BOP1: variants seen among roughly 807,000 people sequenced by gnomAD.
BOP1 encodes the protein ribosome biogenesis protein BOP1.
In BOP1, 54 loss-of-function variants were observed where a neutral mutation model predicts 82.9. The ratio of observed to expected loss-of-function variants is 0.65; its 90% CI spans 0.52 to 0.82. BOP1 has a LOEUF of 0.82. Among genes scored for constraint, BOP1 ranks in the 40% least tolerant of loss-of-function variants. BOP1 has a pLI of 0.00. For missense variants in BOP1, 1,170 were observed against 1,072.0 expected (o/e 1.09, Z -1.28); for synonymous variants, 566 against 451.1 (o/e 1.25, Z -3.23).
chr8:144,286,739 G>C (rs1311035687), intron 2 of BOP1, among the ~76,000 whole-genome samples: 5 of 152,250 alleles, frequency 3.3e-5, no homozygotes, highest in African/African-American at 4.8e-5. Flanking sequence ...CACCAGCCCG[G>C]CCGGCCTTGC....
At chr8:144,266,288 C>A (rs900870157) in intron 3 of BOP1, among the ~76,000 whole-genome samples, 26 of 152,098 alleles carry the variant, frequency 1.7e-4, no homozygotes, top group African/African-American at 6.3e-4. Flanking sequence ...GAACGATGCC[C>A]CCAAAGACCA....
chr8:144,263,654 T>TGCCCCCCA, intron 10 of BOP1, 38 bp downstream of exon 10: 1 of 1,602,038 alleles, frequency 6.2e-7, no homozygotes, highest in Non-Finnish European at 8.5e-7. Flanking sequence ...CCATCCCACC[T>TGCCCCCCA]GCCCCCCAGC....
intron 3 of BOP1, among the ~76,000 whole-genome samples, chr8:144,273,937 T>A (rs1223519260): frequency 6.6e-6 from 1 of 152,104 alleles, no homozygotes; most frequent in Non-Finnish European, 1.5e-5. Flanking sequence ...ACAGCTCTCC[T>A]GTGAGGGGCT....
intron 3 of BOP1, among the ~76,000 whole-genome samples, chr8:144,275,417 G>T (rs1290558211): frequency 1.4e-5 from 2 of 140,390 alleles, no homozygotes; most frequent in African/African-American, 5.6e-5. Flanking sequence ...ACAGCCCAGT[G>T]CCAGCCTCTC....
At chr8:144,262,774 A>ACCCCCCCCCCCCCCCCC in intron 13 of BOP1, 79 bp downstream of exon 13, 9 of 669,414 alleles carry the variant, frequency 1.3e-5, no homozygotes, top group South Asian at 1.7e-5. Context: ...CACTGCCCCT[A>ACCCCCCCCCCCCCCCCC]CCCCCACCCC....
rs1815068944 is a variant in BOP1 at position 144,291,356 on chromosome 8, C to T, written c.15G>A (p.Arg5=). The T allele has an allele frequency of 1.5e-6, 2 of 1,353,454 alleles. No individual in the cohort carries two copies. The highest frequency in any genetic ancestry group is 1.9e-6 in the Non-Finnish European group (2 of 1,047,952). The allele number at this position is 1,353,454 out of a possible 1,614,324, so 83.8% of individuals were successfully genotyped here. A position where few individuals can be genotyped will look rare whatever the true frequency, so the allele number is the denominator to read the frequency against. ...TCGGCGCCGCCGTGCGCCCCGCACC[C>T]CGCGAACCCGCCATGCCCCACCGCG... MAGS[R]GAGRTAAPSV... The change falls in exon 1 of 16, where the codon CGG becomes CGA. Residue 5 remains arginine (R), a synonymous_variant. Transcript: ENST00000569669. The surrounding 1 kb of genome is among the most constrained non-coding windows in gnomAD (Gnocchi z 4.1).
intron 3 of BOP1, among the ~76,000 whole-genome samples, chr8:144,274,429 C>T (rs970490133): frequency 8.5e-5 from 13 of 152,226 alleles, no homozygotes; most frequent in Admixed American, 5.2e-4. Context: ...CTCTTTCCTG[C>T]CCACCTGTGG....
Position 144,264,475 on chromosome 8 carries a change from C to T in BOP1, c.766-38G>A, listed in dbSNP as rs1479865382. 118 of 1,607,376 alleles carry T rather than the reference C, an allele frequency of 7.3e-5. No homozygotes were observed. In the South Asian group the frequency reaches 7.6e-4, roughly 10 times the overall value. On this transcript the variant is annotated intron_variant, in intron 6 of 15. Transcript: ENST00000569669. ...CCGGGTCAGGACGGGCAGTGCGGGGCGGTCAGCCCAGGCCAAGCCCCAGGG... is the reference window on the plus strand; with the variant it reads ...CCGGGTCAGGACGGGCAGTGCGGGGTGGTCAGCCCAGGCCAAGCCCCAGGG...
At chr8:144,284,802 T>G (rs1172729192) in intron 2 of BOP1, among the ~76,000 whole-genome samples, 1 of 152,196 alleles carries the variant, frequency 6.6e-6, no homozygotes, top group Non-Finnish European at 1.5e-5. Context: ...CAGGGTCGTG[T>G]GCATGTCAAT....
intron 2 of BOP1, among the ~76,000 whole-genome samples, chr8:144,280,757 A>G (rs1378419839): frequency 6.6e-6 from 1 of 152,112 alleles, no homozygotes; most frequent in Admixed American, 6.6e-5. Flanking sequence ...CTGAGGCAGG[A>G]GAAAGAACTG....
rs1845305065 is a variant in BOP1, at chr8:144,264,251, G to T, written c.952C>A (p.Pro318Thr). ...PGHAESYNPP[P>T]EYLLSEEERL... Reference sequence around the variant, plus strand: ...TCCTCCTCGCTGAGCAGGTATTCAGGGGGTGGGTTGTACGACTCGGCGTGG... The same window carrying T: ...TCCTCCTCGCTGAGCAGGTATTCAGTGGGTGGGTTGTACGACTCGGCGTGG... The change falls in exon 7 of 16, where the codon CCT (proline) becomes ACT (threonine). Residue 318 changes from proline to threonine, a missense_variant. Pro to Thr is a conservative substitution (Grantham distance 38). Transcript: ENST00000569669. The T allele has an allele frequency of 6.2e-7, 1 of 1,610,376 alleles. No individual in the cohort carries two copies. Among genetic ancestry groups the T allele is most frequent in the Non-Finnish European group, 8.5e-7 (1 of 1,179,290 alleles).
At position 144,262,219 on chromosome 8, in the gene BOP1, G is replaced by A; in HGVS notation, c.2186C>T (p.Thr729Ile). Residue 729 changes from threonine to isoleucine, a missense_variant, in exon 16 of 16, where the codon ACC becomes ATC. Transcript: ENST00000569669. ...LGVLDVIFHP[T>I]QPWVFSSGAD... is the part of the protein sequence containing the mutation. ...CCCCGAGGAGAAGACCCACGGCTGG[G>A]TGGGGTGGAAGATGACGTCCAGCAC... The A allele has an allele frequency of 1.9e-6, 3 of 1,612,752 alleles. No individual in the cohort carries two copies. The highest frequency in any genetic ancestry group is 1.1e-5 in the South Asian group (1 of 91,062).
Position 144,263,289 on chromosome 8 carries a change from C to T in BOP1, c.1537G>A (p.Ala513Thr). The T allele has an allele frequency of 6.3e-7, 1 of 1,594,168 alleles. No homozygotes were observed. Among genetic ancestry groups the T allele is most frequent in the South Asian group, 1.1e-5 (1 of 90,612 alleles). Residue 513 changes from alanine to threonine, a missense_variant, in exon 12 of 16, where the codon GCC becomes ACC. Ala to Thr is a moderately conservative substitution (Grantham distance 58). Transcript: ENST00000569669. ...TCCTCTGAGGCCTCCAGCCAGCGGG[C>T]CGGCTGCAAGGGGGGCTCCTCAGGC... Reference protein sequence around the residue: ...VPPEEPPLQPARWLEASEEER... With the variant: ...VPPEEPPLQPTRWLEASEEER...
At chr8:144,262,344 A>T in intron 15 of BOP1, 27 bp from the exon 16 acceptor site, 1 of 1,612,706 alleles carries the variant, frequency 6.2e-7, no homozygotes, top group Non-Finnish European at 8.5e-7. Context: ...GGCTCAGGGC[A>T]CGGCCAGACA....
chr8:144,268,873 C>T (rs1305253498), intron 3 of BOP1, among the ~76,000 whole-genome samples: 5 of 152,234 alleles, frequency 3.3e-5, no homozygotes, highest in African/African-American at 9.6e-5. Flanking sequence ...GTCGGGCACC[C>T]GGGGGCCCTG....
rs782171258 is a variant in BOP1, at chr8:144,289,301, G to C, written c.103C>G (p.Pro35Ala). 1 of 1,613,422 alleles carries C rather than the reference G, an allele frequency of 6.2e-7. No homozygotes were observed. Among genetic ancestry groups the C allele is most frequent in the East Asian group, 2.2e-5 (1 of 44,880 alleles). Residue 35 changes from proline (P) to alanine (A), a missense_variant, in exon 2 of 16, where the codon CCC becomes GCC. Transcript: ENST00000569669. ...CTGAGAGGAGAGGTGCAGAGGAGGG[G>C]GGGCTGCAAGGAAACACTGGGTTGG... ...ELEPEPEPEP[P>A]LLCTSPLSHS...
intron 3 of BOP1, among the ~76,000 whole-genome samples, chr8:144,273,276 G>C (rs1307270003): frequency 1.3e-5 from 2 of 152,204 alleles, no homozygotes; most frequent in East Asian, 1.9e-4. Flanking sequence ...AGGGGACCAC[G>C]GGCTCTGGAC....
intron 1 of BOP1, among the ~76,000 whole-genome samples, chr8:144,290,563 G>C (rs1028038443): frequency 6.6e-6 from 1 of 152,236 alleles, no homozygotes; most frequent in Admixed American, 6.5e-5. Flanking sequence ...ACAATAACTA[G>C]TGGAAATGGC....
Position 144,264,720 on chromosome 8 carries a change from G to C in BOP1, c.657C>G (p.Pro219=). 6.3e-7 allele frequency: 1 copy of C among 1,575,434 alleles called. No individual in the cohort carries two copies. The highest frequency in any genetic ancestry group is 8.6e-7 in the Non-Finnish European group (1 of 1,161,186). ...SGQFGDVGFN[P]YEPAVDFFSG... is the part of the protein sequence containing the mutation. ...GCCAGCCCCTGCCACCTACCTCATA[G>C]GGGTTGAAGCCCACATCCCCAAACT... Residue 219 remains proline, a synonymous_variant, in exon 5 of 16, where the codon CCC becomes CCG. Transcript: ENST00000569669.
Sources: gnomAD v4.1 joint callset for allele counts (sites outside exome capture counted in the v4.1 genomes callset) on GRCh38, gnomAD v4.1.1 for gene constraint, Gnocchi (gnomAD v3.1) non-coding constraint, MANE v1.5 for transcripts, NCBI Gene and HGNC (gene_info 2026-07-23, HGNC 2026-07-21) for gene names.